Variants in RASGRP3 observed in about 807,000 individuals in gnomAD.
RASGRP3 encodes the protein RAS guanyl releasing protein 3.
In RASGRP3, 54 loss-of-function variants were observed where a neutral mutation model predicts 82.7. That is an observed-to-expected ratio of 0.65 (90% CI 0.52 to 0.82). The LOEUF (loss-of-function observed/expected upper bound fraction) is 0.82, where lower values mean the gene tolerates loss of function less well. RASGRP3 is among the 40% of genes least tolerant of loss of function. The pLI, the probability that RASGRP3 is intolerant of heterozygous loss-of-function variation, is 0.00. For missense variants in RASGRP3, 861 were observed against 828.9 expected, an observed-to-expected ratio of 1.04 and a Z score of -0.48; for synonymous variants, 309 against 300.5, an observed-to-expected ratio of 1.03 and a Z score of -0.29.
At position 33,519,937 on chromosome 2, in the gene RASGRP3, C is replaced by A. The variant is rs1241581235; in HGVS notation, c.174-15C>A. ...GAAAGGAGGTGCAAGGATTTTTTTTCTTTAACTGGTTTACGTATCGAAATG... is the reference window on the plus strand; with the variant it reads ...GAAAGGAGGTGCAAGGATTTTTTTTATTTAACTGGTTTACGTATCGAAATG... On this transcript the variant is annotated splice_polypyrimidine_tract_variant and intron_variant, in intron 4 of 17. Transcript: ENST00000403687. 3.1e-6 allele frequency: 5 copies of A among 1,599,064 alleles called. 1 individual carries two copies. The South Asian group carries it at 5.7e-5, about 18-fold the overall frequency.
intron 11 of RASGRP3, among the ~76,000 whole-genome samples, chr2:33,537,068 G>T (rs545021679): frequency 7.9e-5 from 12 of 152,158 alleles, no homozygotes; most frequent in African/African-American, 2.9e-4. Context: ...TGGACTTGAA[G>T]GATGGTGAAG....
intron 14 of RASGRP3, 45 bp downstream of exon 14, chr2:33,549,796 G>C (rs569603141): frequency 6.4e-7 from 1 of 1,564,592 alleles, no homozygotes; most frequent in South Asian, 1.2e-5. Context: ...AGTTATTTGT[G>C]TGGCATTCTG....
upstream of RASGRP3, chr2:33,476,101 C>G (rs897292089): frequency 3.9e-4 from 59 of 152,408 alleles, no homozygotes; most frequent in African/African-American, 1.3e-3. Context: ...CCTAAGCATT[C>G]TTAGATGGTG....
intron 1 of RASGRP3, among the ~76,000 whole-genome samples, chr2:33,503,538 T>C (rs1485677391): frequency 6.6e-6 from 1 of 152,144 alleles, no homozygotes; most frequent in Non-Finnish European, 1.5e-5. Flanking sequence ...CTTCTAATTA[T>C]GGGCCTCAAG....
intron 3 of RASGRP3, among the ~76,000 whole-genome samples, chr2:33,515,814 T>A (rs1037642996): frequency 6.6e-6 from 1 of 152,190 alleles, no homozygotes; most frequent in Non-Finnish European, 1.5e-5. Context: ...TCAACCCACA[T>A]GGGAGTAGTT....
At chr2:33,446,754 A>G (rs1042557961) in intron 1 of RASGRP3, among the ~76,000 whole-genome samples, 1 of 152,052 alleles carries the variant, frequency 6.6e-6, no homozygotes, top group Admixed American at 6.6e-5. Flanking sequence ...TGCACATACA[A>G]ATTTCCGAGT....
intron 17 of RASGRP3, among the ~76,000 whole-genome samples, chr2:33,560,112 G>A (rs1273026833): frequency 6.6e-6 from 1 of 152,140 alleles, no homozygotes; most frequent in Non-Finnish European, 1.5e-5. Context: ...ATGCAATTTA[G>A]TATACTTTCA....
intron 4 of RASGRP3, among the ~76,000 whole-genome samples, chr2:33,518,706 T>A (rs1671693505): frequency 1.3e-5 from 2 of 151,192 alleles, no homozygotes; most frequent in Middle Eastern, 3.4e-3. Flanking sequence ...TTACTCTATT[T>A]AAATTTTTTT....
At chr2:33,476,176 G>A (rs1050460012), upstream of RASGRP3, 1 of 152,186 alleles carries the variant, frequency 6.6e-6, no homozygotes, top group African/African-American at 2.4e-5. Flanking sequence ...TAACAAACTG[G>A]AGCCTGAGAT....
chr2:33,473,409 A>T (rs1463037203), upstream of RASGRP3, among the ~76,000 whole-genome samples: 2 of 151,932 alleles, frequency 1.3e-5, no homozygotes, highest in Non-Finnish European at 2.9e-5. Flanking sequence ...AATCAGAAAG[A>T]CTGTTGTTAG....
chr2:33,484,477 T>C (rs1414777812), intron 1 of RASGRP3, among the ~76,000 whole-genome samples: 1 of 152,206 alleles, frequency 6.6e-6, no homozygotes, highest in Non-Finnish European at 1.5e-5. Flanking sequence ...AGTATTCCAC[T>C]TATGCATGGA....
Position 33,552,517 on chromosome 2 carries a change from G to A in RASGRP3, c.1542+2766G>A, listed in dbSNP as rs1353881289. Among the ~76,000 whole-genome samples the A allele has an allele frequency of 5.3e-5, 8 of 151,922 alleles. No individual in the cohort carries two copies. In the South Asian group the frequency reaches 1.0e-3, roughly 20 times the overall value. On this transcript the variant is annotated intron_variant, in intron 14 of 17. Transcript: ENST00000403687. The stretch of plus-strand genomic sequence containing the variant: ...TAATTTTATTGGTACGATTTGATTT[G>A]ATCTTTACTGACACTCATGTCAAAA...
At chr2:33,507,381 C>G (rs1020492322) in intron 1 of RASGRP3, among the ~76,000 whole-genome samples, 4 of 152,030 alleles carry the variant, frequency 2.6e-5, no homozygotes, top group African/African-American at 9.7e-5. Flanking sequence ...GGTGACAGAG[C>G]AAGACTCGGT....
Position 33,549,647 on chromosome 2 carries a change from A to C in RASGRP3, c.1438A>C (p.Arg480=), listed in dbSNP as rs1296060980. ...SKDEMMAYFL[R]AKSQLHCKMG... Reference sequence around the variant, plus strand: ...AGATGAAATGATGGCTTACTTCCTGAGAGCTAAATCCCAACTACACTGTAA... The same window carrying C: ...AGATGAAATGATGGCTTACTTCCTGCGAGCTAAATCCCAACTACACTGTAA... The change falls in exon 14 of 18, where the codon AGA becomes CGA. Residue 480 remains arginine, a synonymous_variant. Coordinates refer to ENST00000403687, the MANE Select transcript of RASGRP3 (RefSeq NM_001139488.2). 1 of 1,613,574 alleles carries C rather than the reference A, an allele frequency of 6.2e-7. No homozygotes were observed. The highest frequency in any genetic ancestry group is 1.3e-5 in the African/African-American group (1 of 74,920).
intron 1 of RASGRP3, among the ~76,000 whole-genome samples, chr2:33,493,823 A>G (rs1447285125): frequency 6.6e-6 from 1 of 152,196 alleles, no homozygotes; most frequent in East Asian, 1.9e-4. Flanking sequence ...ATTAAAAAAA[A>G]TAGGTGCCCT....
At chr2:33,499,338 G>T (rs543701187) in intron 1 of RASGRP3, among the ~76,000 whole-genome samples, 1 of 152,196 alleles carries the variant, frequency 6.6e-6, no homozygotes, top group African/African-American at 2.4e-5. Context: ...TGGGTGGATC[G>T]CCTGAGCTCA....
At chr2:33,529,714 G>A (rs531259979) in intron 10 of RASGRP3, among the ~76,000 whole-genome samples, 71 of 152,170 alleles carry the variant, frequency 4.7e-4, no homozygotes, top group African/African-American at 1.6e-3. Context: ...TCCCTCAGCA[G>A]TTGCTTGGTT....
intron 1 of RASGRP3, among the ~76,000 whole-genome samples, chr2:33,492,624 T>C (rs140198913): frequency 6.6e-6 from 1 of 152,300 alleles, no homozygotes; most frequent in African/African-American, 2.4e-5. Flanking sequence ...AGGCTTCTCT[T>C]TCTGTGCCAT....
intron 1 of RASGRP3, among the ~76,000 whole-genome samples, chr2:33,497,306 T>C (rs1203357106): frequency 6.6e-6 from 1 of 152,204 alleles, no homozygotes; most frequent in African/African-American, 2.4e-5. Flanking sequence ...ACATGAGATA[T>C]TGTGGTGAGA....
Sources: allele counts gnomAD v4.1 joint callset (sites outside exome capture counted in the v4.1 genomes callset), GRCh38; gene constraint gnomAD v4.1.1; transcripts MANE v1.5; gene names NCBI Gene and HGNC (gene_info 2026-07-23, HGNC 2026-07-21).